The following CSMD1 variants were observed in gnomAD, a reference collection of about 807,000 sequenced individuals.
CSMD1 encodes CUB and Sushi multiple domains 1, also known as CUB and sushi domain-containing protein 1.
CSMD1 carries 213 observed loss-of-function variants against 417.5 expected under a neutral mutation model. The observed-to-expected ratio is 0.51, with a 90% CI of 0.46 to 0.57. The LOEUF (loss-of-function observed/expected upper bound fraction) is 0.57. CSMD1 is among the 20% of genes least tolerant of loss of function. The pLI, the probability that CSMD1 is intolerant of heterozygous loss-of-function variation, is 0.00. For synonymous variants in CSMD1, 2,862 were observed against 1,736.8 expected (o/e 1.65, Z -16.11); for missense variants, 6,923 against 4,529.7 (o/e 1.53, Z -15.17).
intron 1 of CSMD1, among the ~76,000 whole-genome samples, chr8:4,642,211 G>T (rs577413178): frequency 2.0e-5 from 3 of 152,200 alleles, no homozygotes; most frequent in African/African-American, 7.2e-5. Flanking sequence ...TTGATGGTTG[G>T]TTATACAGCA....
intron 1 of CSMD1, among the ~76,000 whole-genome samples, chr8:4,750,338 C>G (rs976026562): frequency 3.9e-5 from 6 of 152,130 alleles, no homozygotes; most frequent in Non-Finnish European, 8.8e-5. Context: ...TCTCTAGAAA[C>G]TGCTGAACAG....
At chr8:4,921,487 C>G (rs905427145) in intron 1 of CSMD1, among the ~76,000 whole-genome samples, 3 of 152,122 alleles carry the variant, frequency 2.0e-5, no homozygotes, top group African/African-American at 7.2e-5. Context: ...ACACAGTATT[C>G]TCTGTATGTA....
chr8:3,881,499 T>C (rs1585133523), intron 5 of CSMD1, among the ~76,000 whole-genome samples: 1 of 148,578 alleles, frequency 6.7e-6, no homozygotes, highest in African/African-American at 2.5e-5. Context: ...TAGCTGGGCG[T>C]AGTGGTGGGT....
At chr8:3,482,824 G>C (rs1817823129) in intron 11 of CSMD1, among the ~76,000 whole-genome samples, 1 of 151,988 alleles carries the variant, frequency 6.6e-6, no homozygotes, top group Non-Finnish European at 1.5e-5. Flanking sequence ...GTTATTAAAA[G>C]GCAGTAGAAA....
intron 3 of CSMD1, among the ~76,000 whole-genome samples, chr8:4,326,294 C>T (rs940743255): frequency 1.3e-5 from 2 of 152,074 alleles, no homozygotes; most frequent in African/African-American, 4.8e-5. Context: ...TCAGACATAG[C>T]AAGGACAGCG....
intron 3 of CSMD1, among the ~76,000 whole-genome samples, chr8:4,351,757 A>G (rs900996649): frequency 6.6e-6 from 1 of 152,114 alleles, no homozygotes; most frequent in Non-Finnish European, 1.5e-5. Flanking sequence ...GACCCACTTG[A>G]GAAGATGTGA....
chr8:4,784,421 T>G (rs1004341835), intron 1 of CSMD1, among the ~76,000 whole-genome samples: 1 of 152,162 alleles, frequency 6.6e-6, no homozygotes, highest in African/African-American at 2.4e-5. Context: ...CAAACTCATA[T>G]GGATTTTTTA....
At chr8:3,454,214 G>T (rs60282047) in intron 12 of CSMD1, among the ~76,000 whole-genome samples, 2 of 152,108 alleles carry the variant, frequency 1.3e-5, no homozygotes, top group Non-Finnish European at 2.9e-5. Context: ...GTCTCTGCAC[G>T]TTAGATGGGT....
intron 12 of CSMD1, among the ~76,000 whole-genome samples, chr8:3,448,214 G>C (rs1347461877): frequency 6.7e-6 from 1 of 148,570 alleles, no homozygotes. Flanking sequence ...TGTGTTTCCT[G>C]ATGGGGCCAA....
intron 18 of CSMD1, among the ~76,000 whole-genome samples, chr8:3,382,371 A>C (rs899095428): frequency 6.9e-6 from 1 of 145,924 alleles, no homozygotes; most frequent in Non-Finnish European, 1.5e-5. Flanking sequence ...TAGCATTCCA[A>C]TAACTTTAGT....
intron 3 of CSMD1, among the ~76,000 whole-genome samples, chr8:4,293,131 G>A (rs761235535): frequency 2.0e-5 from 3 of 152,142 alleles, no homozygotes; most frequent in Non-Finnish European, 4.4e-5. Flanking sequence ...CGCCCTCTCA[G>A]TTTTGTCCCG....
intron 1 of CSMD1, among the ~76,000 whole-genome samples, chr8:4,757,565 G>C (rs964583288): frequency 3.9e-5 from 6 of 152,160 alleles, no homozygotes; most frequent in Non-Finnish European, 8.8e-5. Context: ...ATTCTGGATA[G>C]GCTAAGTCTG....
At chr8:4,354,112 C>T (rs1801259053) in intron 3 of CSMD1, among the ~76,000 whole-genome samples, 1 of 152,088 alleles carries the variant, frequency 6.6e-6, no homozygotes, top group South Asian at 2.1e-4. Context: ...GTTAACTTGC[C>T]CAAGAACGCG....
chr8:4,352,357 A>G (rs1399205910), intron 3 of CSMD1, among the ~76,000 whole-genome samples: 1 of 152,250 alleles, frequency 6.6e-6, no homozygotes, highest in African/African-American at 2.4e-5. Flanking sequence ...ATGTTCTCAG[A>G]TAATTCACAA....
In CSMD1 at chr8:3,607,016, G is replaced by A. The variant is rs186924436; in HGVS notation, c.1097+9694C>T. On this transcript the variant is annotated intron_variant, in intron 8 of 69. Coordinates refer to ENST00000635120, the MANE Select transcript of CSMD1 (RefSeq NM_033225.6). ...TGAGCCGCCGTGCCTGGCCTACCGT[G>A]TTACAGTTTTTAACTTGTGAGTTTT... is the stretch of plus-strand genomic sequence containing the variant. 2.3e-3 allele frequency among the ~76,000 whole-genome samples: 353 copies of A among 152,076 alleles called. 3 individuals carry two copies. Among genetic ancestry groups the A allele is most frequent in the Non-Finnish European group, 1.1e-3 (75 of 67,984 alleles).
chr8:3,319,593 A>G (rs1806013203), intron 23 of CSMD1, among the ~76,000 whole-genome samples: 2 of 152,200 alleles, frequency 1.3e-5, no homozygotes, highest in African/African-American at 2.4e-5. Flanking sequence ...ACATTCAACA[A>G]TAACTTTTAA....
chr8:4,567,049 G>C (rs555634723), intron 2 of CSMD1, among the ~76,000 whole-genome samples: 1 of 152,162 alleles, frequency 6.6e-6, no homozygotes. Flanking sequence ...AGAAGTATTT[G>C]AAAAGGGGGC....
chr8:4,033,880 G>C (rs1402010760), intron 3 of CSMD1, among the ~76,000 whole-genome samples: 1 of 152,078 alleles, frequency 6.6e-6, no homozygotes, highest in East Asian at 1.9e-4. Flanking sequence ...CAGTTGAATG[G>C]ATGAAATTCA....
chr8:4,236,231 G>T (rs571696392), intron 3 of CSMD1, among the ~76,000 whole-genome samples: 4 of 151,856 alleles, frequency 2.6e-5, no homozygotes, highest in Non-Finnish European at 4.4e-5. Context: ...ATAATCCATC[G>T]CATCACCTAC....
Sources: gnomAD v4.1 joint callset for allele counts (sites outside exome capture counted in the v4.1 genomes callset) on GRCh38, gnomAD v4.1.1 for gene constraint, MANE v1.5 for transcripts, NCBI Gene and HGNC (gene_info 2026-07-23, HGNC 2026-07-21) for gene names.